Variants in MPP1 observed in about 807,000 individuals in gnomAD.
MPP1 encodes the protein MAGUK p55 scaffold protein 1.
A neutral mutation model predicts 38.2 loss-of-function variants in MPP1; 6 were observed. The ratio of observed to expected loss-of-function variants is 0.16; its 90% CI spans 0.09 to 0.31. The LOEUF (loss-of-function observed/expected upper bound fraction) is 0.31. MPP1 is among the 10% of genes least tolerant of loss of function. The pLI, the probability that MPP1 is intolerant of heterozygous loss-of-function variation, is 1.00. For missense variants in MPP1, 293 were observed against 368.9 expected, an observed-to-expected ratio of 0.79 and a Z score of 1.69; for synonymous variants, 153 against 146.3, an observed-to-expected ratio of 1.05 and a Z score of -0.33.
At chrX:154,799,935 C>T (rs1251007670) in intron 1 of MPP1, 59 of 986,057 alleles carry the variant, frequency 6.0e-5, no homozygotes, top group Non-Finnish European at 7.6e-5. Context: ...TGGCGGGGGG[C>T]GGGCGGTGGC....
At chrX:154,784,800 C>G (rs1041782937) in intron 7 of MPP1, 3 of 437,850 alleles carry the variant, frequency 6.9e-6, no homozygotes, top group Non-Finnish European at 8.4e-6. Flanking sequence ...ACCACATCTA[C>G]TTCTGTGTGA....
intron 8 of MPP1, 82 bp from the exon 9 acceptor site, chrX:154,783,589 A>G: frequency 1.2e-6 from 1 of 820,407 alleles, no homozygotes; most frequent in Non-Finnish European, 1.8e-6. Context: ...CTCGGCACTC[A>G]AAACTGCCAA....
At chrX:154,792,863 C>T (rs1410379926) in intron 1 of MPP1, among the ~76,000 whole-genome samples, 1 of 111,238 alleles carries the variant, frequency 9.0e-6, no homozygotes, top group Non-Finnish European at 1.9e-5. Flanking sequence ...GGCCCCGAAC[C>T]GCGGTGATAA....
At chrX:154,794,289 G>A (rs1161043856) in intron 1 of MPP1, among the ~76,000 whole-genome samples, 1 of 111,613 alleles carries the variant, frequency 9.0e-6, no homozygotes, top group African/African-American at 3.3e-5. Context: ...AGTCTCACAG[G>A]TGATCACTCT....
intron 5 of MPP1, among the ~76,000 whole-genome samples, chrX:154,788,814 A>G (rs1436917070): frequency 2.7e-5 from 3 of 112,127 alleles, no homozygotes; most frequent in African/African-American, 9.7e-5. Context: ...TCAATGTAAG[A>G]CCAAAAAAGC....
intron 7 of MPP1, chrX:154,784,746 G>A (rs2148526463): frequency 2.8e-6 from 1 of 360,294 alleles, no homozygotes; most frequent in African/African-American, 2.6e-5. Flanking sequence ...CCTGGCCCTG[G>A]CCTCTCCCTC....
Position 154,784,993 on chromosome X carries a change from A to G in MPP1, c.784+58T>C, listed in dbSNP as rs782047487. The G allele has an allele frequency of 6.5e-6, 7 of 1,069,492 alleles. No homozygotes were observed. In the Admixed American group the frequency reaches 1.6e-4, roughly 24 times the overall value. 88.1% of individuals were successfully genotyped at this position (1,069,492 alleles called of 1,213,427 possible). ...CTCCCCTTTTCTGCTGGTTACAGAG[A>G]CTGGGAAACACGTGAATGCTGCCAG... On this transcript the variant is annotated intron_variant, in intron 7 of 11. Coordinates refer to ENST00000369534, the MANE Select transcript of MPP1 (RefSeq NM_002436.4).
intron 8 of MPP1, 174 bp from the exon 9 acceptor site, chrX:154,783,681 C>T (rs897355441): frequency 4.5e-6 from 2 of 439,959 alleles, no homozygotes; most frequent in Non-Finnish European, 7.9e-6. Context: ...AGAGGCAAAG[C>T]CTACATACCT....
At chrX:154,790,280 C>G (rs1557267597) in intron 4 of MPP1, among the ~76,000 whole-genome samples, 1 of 111,239 alleles carries the variant, frequency 9.0e-6, no homozygotes, top group Non-Finnish European at 1.9e-5. Flanking sequence ...TGTTGTAATC[C>G]CAGCTCTTTG....
At position 154,785,074 on chromosome X, in the gene MPP1, T is replaced by A; in HGVS notation, c.761A>T (p.Lys254Ile). Residue 254 changes from lysine (K) to isoleucine (I), a missense_variant, in exon 7 of 12, where the codon AAA (lysine) becomes ATA (isoleucine). Coordinates refer to ENST00000369534, the MANE Select transcript of MPP1 (RefSeq NM_002436.4). Reference protein sequence around the residue: ...PFGKKKKYKDKYLAKHSSIFD... With the variant: ...PFGKKKKYKDIYLAKHSSIFD... ...ACTCGAGCTGTGCTTGGCCAGATAT[T>A]TGTCTTTGTACTTCTTCTTCTTCCC... 1 of 1,211,225 alleles carries A rather than the reference T, an allele frequency of 8.3e-7. No individual in the cohort carries two copies. Among genetic ancestry groups the A allele is most frequent in the Non-Finnish European group, 1.1e-6 (1 of 895,166 alleles).
At chrX:154,796,180 G>A (rs1018490817) in intron 1 of MPP1, among the ~76,000 whole-genome samples, 8 of 107,619 alleles carry the variant, frequency 7.4e-5, no homozygotes, top group Admixed American at 3.0e-4. Context: ...ACCCAGTCTA[G>A]AGTGCAGTGG....
intron 1 of MPP1, chrX:154,799,893 G>C: frequency 8.7e-7 from 1 of 1,143,620 alleles, no homozygotes; most frequent in Non-Finnish European, 1.2e-6. Flanking sequence ...CTCAAAGGAA[G>C]CTGGAATTTA....
Position 154,792,411 on chromosome X carries a change from A to G in MPP1, c.103-126T>C, listed in dbSNP as rs1328895550. On this transcript the variant is annotated intron_variant, in intron 1 of 11. Coordinates refer to ENST00000369534, the MANE Select transcript of MPP1 (RefSeq NM_002436.4). ...ATTTCATAAGTTTGGCCTCATTCTT[A>G]TTTGAATTGACATGAAGCTGTTTGT... 4 of 805,982 alleles carry G rather than the reference A, an allele frequency of 5.0e-6. No individual in the cohort carries two copies. The African/African-American group carries it at 6.2e-5, about 13-fold the overall frequency. The allele number at this position is 805,982 out of a possible 1,213,427, so 66.4% of individuals were successfully genotyped here.
intron 1 of MPP1, among the ~76,000 whole-genome samples, chrX:154,802,822 G>C (rs1204333947): frequency 5.3e-5 from 6 of 112,548 alleles, no homozygotes; most frequent in African/African-American, 1.6e-4. Context: ...GTGAAACTTT[G>C]TTTTGAATCG....
At chrX:154,784,192 G>A (rs1169538930) in intron 7 of MPP1, 84 bp from the exon 8 acceptor site, 2 of 754,278 alleles carry the variant, frequency 2.7e-6, no homozygotes, top group African/African-American at 2.1e-5. Flanking sequence ...AAACAGCCTC[G>A]CGACATCTCA....
At chrX:154,801,566 C>T (rs2072261199) in intron 1 of MPP1, among the ~76,000 whole-genome samples, 1 of 108,697 alleles carries the variant, frequency 9.2e-6, no homozygotes, top group Admixed American at 9.8e-5. Flanking sequence ...CGAGACCAGC[C>T]CGGCCAACAT....
chrX:154,779,490 G>C, intron 11 of MPP1, 137 bp from the exon 12 acceptor site: 2 of 557,306 alleles, frequency 3.6e-6, no homozygotes, highest in Non-Finnish European at 5.6e-6. Flanking sequence ...AGAAGACATT[G>C]TGAAAGAATG....
At chrX:154,783,072 T>A (rs782616613) in intron 9 of MPP1, 1 of 113,771 alleles carries the variant, frequency 8.8e-6, no homozygotes, top group Non-Finnish European at 1.8e-5. Context: ...AAGAGTGGGA[T>A]AGTTCTCAAA....
chrX:154,805,286 G>A lies in MPP1; in HGVS notation c.88C>T (p.Arg30Cys). ...DLYLEHLLQKRSRPEAVSHPL... is the reference protein window; with the variant it reads ...DLYLEHLLQKCSRPEAVSHPL... ...GGCCCGCTCACCTCTGGCCGACTAC[G>A]CTTCTGCAGCAAATGCTCCAGGTAG... Residue 30 changes from arginine (R) to cysteine (C), a missense_variant, in exon 1 of 12, where the codon CGT becomes TGT. Arg to Cys is a radical substitution (Grantham distance 180, BLOSUM62 -3). Transcript: ENST00000369534. 2 of 1,205,419 alleles carry A rather than the reference G, an allele frequency of 1.7e-6. No homozygotes were observed. Among genetic ancestry groups the A allele is most frequent in the Non-Finnish European group, 2.2e-6 (2 of 891,912 alleles).
Sources: allele counts gnomAD v4.1 joint callset (sites outside exome capture counted in the v4.1 genomes callset), GRCh38; gene constraint gnomAD v4.1.1; transcripts MANE v1.5; gene names NCBI Gene and HGNC (gene_info 2026-07-23, HGNC 2026-07-21).